LRRC7: variants seen among roughly 807,000 people sequenced by gnomAD.
The protein encoded by LRRC7 is leucine-rich repeat-containing protein 7.
A neutral mutation model predicts 175.7 loss-of-function variants in LRRC7; 23 were observed. The ratio of observed to expected loss-of-function variants is 0.13; its 90% confidence interval spans 0.09 to 0.19. The LOEUF is 0.19. Ranked by LOEUF, LRRC7 falls within the 10% of genes least tolerant of loss-of-function variation. The probability of loss-of-function intolerance (pLI) is 1.00; values close to 1 mark genes in which losing one functional copy is unlikely to be tolerated. For synonymous variants in LRRC7, 685 were observed against 680.9 expected, an observed-to-expected ratio of 1.01 and a Z score of -0.09; for missense variants, 1,354 against 1,904.7, an observed-to-expected ratio of 0.71 and a Z score of 5.38.
At chr1:69,588,161 T>C (rs746493064) in intron 1 of LRRC7, among the ~76,000 whole-genome samples, 4 of 152,218 alleles carry the variant, frequency 2.6e-5, no homozygotes, top group Non-Finnish European at 4.4e-5. Context: ...TAGTGGTTTT[T>C]TTCCTCTGTG....
intron 1 of LRRC7, among the ~76,000 whole-genome samples, chr1:69,577,640 C>G (rs1335824886): frequency 6.6e-6 from 1 of 152,084 alleles, no homozygotes; most frequent in Non-Finnish European, 1.5e-5. Context: ...ATAGGGAATC[C>G]TTTCCCCATT....
At chr1:69,831,021 G>A (rs1008489427) in intron 5 of LRRC7, among the ~76,000 whole-genome samples, 2 of 151,954 alleles carry the variant, frequency 1.3e-5, no homozygotes, top group South Asian at 4.1e-4. Flanking sequence ...AAGCAAAAAA[G>A]AAGTATATTT....
At chr1:69,614,508 T>C (rs2100273660) in intron 1 of LRRC7, among the ~76,000 whole-genome samples, 1 of 152,178 alleles carries the variant, frequency 6.6e-6, no homozygotes, top group South Asian at 2.1e-4. Flanking sequence ...ATTAGTACTG[T>C]AGGCAGATAA....
At chr1:69,838,407 AGGCC>A in intron 7 of LRRC7, 124 bp downstream of exon 7, 1 of 713,688 alleles carries the variant, frequency 1.4e-6, no homozygotes, top group Non-Finnish European at 2.5e-6. Context: ...TTTTTCCTAA[AGGCC>A]AAAAAGTATG....
chr1:69,678,414 G>T lies in LRRC7; in HGVS notation c.36G>T (p.Pro12=). Reference sequence around the variant, plus strand: ...ACCTAATAAGGGGAAGGAATCCCCCGCAATACCAGAGAAGTCCTTGTAAAG... The same window carrying T: ...ACCTAATAAGGGGAAGGAATCCCCCTCAATACCAGAGAAGTCCTTGTAAAG... The part of the protein sequence containing the change: ...MENLIRGRNP[P]QYQRSPCKEV... The change falls in exon 2 of 27, where the codon CCG becomes CCT. Residue 12 remains proline (P), a synonymous_variant. Coordinates refer to ENST00000651989, the MANE Select transcript of LRRC7 (RefSeq NM_001370785.2). 1 of 1,603,478 alleles carries T rather than the reference G, an allele frequency of 6.2e-7. No homozygotes were observed. The highest frequency in any genetic ancestry group is 8.5e-7 in the Non-Finnish European group (1 of 1,175,258).
intron 7 of LRRC7, among the ~76,000 whole-genome samples, chr1:69,841,445 A>C (rs1372941877): frequency 1.3e-5 from 2 of 152,084 alleles, no homozygotes; most frequent in African/African-American, 4.8e-5. Flanking sequence ...AAATACCAGG[A>C]GACAGGGATT....
chr1:69,816,132 C>T (rs1678567548), intron 4 of LRRC7, among the ~76,000 whole-genome samples: 1 of 151,974 alleles, frequency 6.6e-6, no homozygotes, highest in African/African-American at 2.4e-5. Flanking sequence ...TGCCCGCCCT[C>T]ACACCCAGCT....
At chr1:69,637,080 T>TCTCTC (rs1553130024) in intron 1 of LRRC7, among the ~76,000 whole-genome samples, 15 of 148,582 alleles carry the variant, frequency 1.0e-4, no homozygotes, top group Non-Finnish European at 1.8e-4. Context: ...CCTTCTCTCT[T>TCTCTC]TCTCTCTCTC....
chr1:69,568,779 G>A, intron 1 of LRRC7, 138 bp downstream of exon 1: 2 of 529,692 alleles, frequency 3.8e-6, no homozygotes, highest in Non-Finnish European at 5.3e-6. Flanking sequence ...GCGCTCGCGG[G>A]GAGCTGCTTG....
chr1:69,968,962 G>T (rs1651944091), intron 8 of LRRC7, among the ~76,000 whole-genome samples: 1 of 151,954 alleles, frequency 6.6e-6, no homozygotes, highest in Admixed American at 6.6e-5. Flanking sequence ...GGGACTACAG[G>T]TGCCCGCCAC....
intron 8 of LRRC7, among the ~76,000 whole-genome samples, chr1:69,957,501 AT>A (rs1223120798): frequency 6.6e-6 from 1 of 151,744 alleles, no homozygotes; most frequent in Non-Finnish European, 1.5e-5. Context: ...TGGTGATATA[AT>A]TTTTTTGTTA....
Position 69,733,602 on chromosome 1 carries a change from G to A in LRRC7, c.101-26589G>A, listed in dbSNP as rs1456515610. 4.6e-5 allele frequency among the ~76,000 whole-genome samples: 7 copies of A among 151,822 alleles called. No homozygotes were observed. In the South Asian group the frequency reaches 1.0e-3, roughly 22 times the overall value. On this transcript the variant is annotated intron_variant, in intron 2 of 26. Transcript: ENST00000651989. The stretch of plus-strand genomic sequence containing the variant: ...TAAAATAAAATTGTTGTAAATTGGG[G>A]CCTCTCCTGTTGTAACTTCAAATTT...
intron 2 of LRRC7, among the ~76,000 whole-genome samples, chr1:69,714,802 A>C (rs1313304944): frequency 6.6e-6 from 1 of 152,176 alleles, no homozygotes; most frequent in Non-Finnish European, 1.5e-5. Flanking sequence ...TTCTGTGAAC[A>C]GTGGCAAGAC....
chr1:69,601,377 T>C (rs1647065590), intron 1 of LRRC7, among the ~76,000 whole-genome samples: 1 of 152,176 alleles, frequency 6.6e-6, no homozygotes, highest in African/African-American at 2.4e-5. Context: ...CTCCCCCTTT[T>C]GCTTCTCTGT....
At chr1:69,684,336 G>T (rs1236506831) in intron 2 of LRRC7, among the ~76,000 whole-genome samples, 1 of 151,560 alleles carries the variant, frequency 6.6e-6, no homozygotes, top group African/African-American at 2.4e-5. Context: ...TGCATCACAA[G>T]AATCTGCTGG....
Position 70,052,313 on chromosome 1 carries a change from A to G in LRRC7, c.4111-713A>G, listed in dbSNP as rs144995665. 3.9e-3 allele frequency among the ~76,000 whole-genome samples: 596 copies of G among 152,226 alleles called. 5 individuals carry two copies. Among genetic ancestry groups the G allele is most frequent in the African/African-American group, 0.014 (563 of 41,572 alleles). On this transcript the variant is annotated intron_variant, in intron 22 of 26. Transcript: ENST00000651989. ...ACAGGCAGGTATTAGTATTTGTTAA[A>G]AATAATAAGCATGAAATCAGCCAAA...
chr1:69,783,965 T>C (rs1674102029), intron 3 of LRRC7, among the ~76,000 whole-genome samples: 1 of 152,106 alleles, frequency 6.6e-6, no homozygotes, highest in Non-Finnish European at 1.5e-5. Context: ...CTTAGCAGCA[T>C]TGCTCATGTT....
chr1:69,690,194 C>T (rs1661667681), intron 2 of LRRC7, among the ~76,000 whole-genome samples: 1 of 152,170 alleles, frequency 6.6e-6, no homozygotes, highest in African/African-American at 2.4e-5. Context: ...AGATCCATTG[C>T]CACTTATTTT....
At chr1:69,677,807 A>T (rs1198377558) in intron 1 of LRRC7, among the ~76,000 whole-genome samples, 1 of 152,116 alleles carries the variant, frequency 6.6e-6, no homozygotes, top group Admixed American at 6.6e-5. Flanking sequence ...TGGCTTAAAC[A>T]ACAGACTATT....
Sources: allele counts gnomAD v4.1 joint callset (sites outside exome capture counted in the v4.1 genomes callset), GRCh38; gene constraint gnomAD v4.1.1; transcripts MANE v1.5; gene names NCBI Gene and HGNC (gene_info 2026-07-23, HGNC 2026-07-21).